The following CCDC6 variants were observed in gnomAD, a reference collection of about 807,000 sequenced individuals.
CCDC6 encodes coiled-coil domain-containing protein 6.
Under a neutral mutation model 56.6 loss-of-function variants are expected in CCDC6, and 20 were observed. That is an observed-to-expected ratio of 0.35 (90% CI 0.25 to 0.51). CCDC6 has a LOEUF of 0.51. CCDC6 is among the 20% of genes least tolerant of loss of function. CCDC6 has a pLI of 0.95. For synonymous variants in CCDC6, 241 were observed against 234.4 expected (o/e 1.03, Z -0.26); for missense variants, 367 against 601.1 (o/e 0.61, Z 4.07).
At chr10:59,851,986 T>G (rs1485738534) in intron 2 of CCDC6, among the ~76,000 whole-genome samples, 1 of 152,132 alleles carries the variant, frequency 6.6e-6, no homozygotes, top group Non-Finnish European at 1.5e-5. Context: ...CCTTCCTATA[T>G]GTTTTGTGTG....
At chr10:59,816,219 G>A (rs935819212) in intron 3 of CCDC6, among the ~76,000 whole-genome samples, 2 of 152,126 alleles carry the variant, frequency 1.3e-5, no homozygotes, top group Admixed American at 6.5e-5. Flanking sequence ...ATCAAGACCT[G>A]AGAGGAAATG....
intron 2 of CCDC6, among the ~76,000 whole-genome samples, chr10:59,847,424 C>T (rs2071002523): frequency 6.6e-6 from 1 of 152,054 alleles, no homozygotes; most frequent in Non-Finnish European, 1.5e-5. Context: ...CAAAGACTGA[C>T]AAGACAGTTA....
At chr10:59,902,450 G>A (rs554645380) in intron 1 of CCDC6, among the ~76,000 whole-genome samples, 13 of 144,128 alleles carry the variant, frequency 9.0e-5, no homozygotes, top group African/African-American at 3.5e-4. Context: ...CTGGAGTGCA[G>A]TGGTGCGACA....
At chr10:59,890,906 G>A (rs571945110) in intron 1 of CCDC6, among the ~76,000 whole-genome samples, 3 of 151,420 alleles carry the variant, frequency 2.0e-5, no homozygotes, top group Non-Finnish European at 2.9e-5. Context: ...GACAGGCCCC[G>A]GTGTGTGGTG....
At chr10:59,800,833 T>C (rs10994022) in intron 7 of CCDC6, among the ~76,000 whole-genome samples, 21,787 of 152,116 alleles carry the variant, frequency 0.14, 1,859 homozygotes, top group East Asian at 0.24. Flanking sequence ...TATAATACTA[T>C]GGTTTTACAT....
chr10:59,820,167 G>T (rs1478448127), intron 3 of CCDC6, among the ~76,000 whole-genome samples: 1 of 152,208 alleles, frequency 6.6e-6, no homozygotes, highest in Non-Finnish European at 1.5e-5. Context: ...CCAGCCCAGA[G>T]GTGGCTCCCA....
At chr10:59,881,071 C>T (rs917498110) in intron 1 of CCDC6, among the ~76,000 whole-genome samples, 1 of 152,190 alleles carries the variant, frequency 6.6e-6, no homozygotes, top group African/African-American at 2.4e-5. Flanking sequence ...TTCAGCCCCG[C>T]CCAGCAGGTC....
chr10:59,861,303 G>T (rs1051424712), intron 1 of CCDC6, among the ~76,000 whole-genome samples: 4 of 152,250 alleles, frequency 2.6e-5, no homozygotes, highest in Admixed American at 6.5e-5. Flanking sequence ...AGGCTGCAGA[G>T]AGCCTTGATC....
chr10:59,814,044 C>T (rs1450693600), intron 4 of CCDC6, among the ~76,000 whole-genome samples: 1 of 152,132 alleles, frequency 6.6e-6, no homozygotes, highest in African/African-American at 2.4e-5. Context: ...CAAGCCCTGC[C>T]TCACACACTC....
intron 2 of CCDC6, among the ~76,000 whole-genome samples, chr10:59,852,039 A>G (rs1255374225): frequency 6.6e-6 from 1 of 152,224 alleles, no homozygotes; most frequent in Non-Finnish European, 1.5e-5. Context: ...GAGTTTTAAT[A>G]GCAGTCTGAT....
At chr10:59,832,886 C>T (rs143285269) in intron 2 of CCDC6, among the ~76,000 whole-genome samples, 276 of 152,286 alleles carry the variant, frequency 1.8e-3, no homozygotes, top group African/African-American at 6.4e-3. Context: ...ATACTTTTTG[C>T]TACCTTTCAG....
Position 59,792,497 on chromosome 10 carries a change from A to G in CCDC6, c.*420T>C. 1 of 465,350 alleles carries G rather than the reference A, an allele frequency of 2.1e-6. No homozygotes were observed. The highest frequency in any genetic ancestry group is 4.0e-6 in the Non-Finnish European group (1 of 248,030). 28.8% of individuals were successfully genotyped at this position (465,350 alleles called of 1,614,324 possible). A position where few individuals can be genotyped will look rare whatever the true frequency, so the allele number is the denominator to read the frequency against. ...GGTATGTTTGGTAAACACTATTATAATGAGAGGAGGGTAACAACAGCTCAG... is the reference window on the plus strand; with the variant it reads ...GGTATGTTTGGTAAACACTATTATAGTGAGAGGAGGGTAACAACAGCTCAG... On this transcript the variant is annotated 3_prime_UTR_variant, in exon 9 of 9. Coordinates refer to ENST00000263102, the MANE Select transcript of CCDC6 (RefSeq NM_005436.5).
At chr10:59,871,292 C>T (rs1267223256) in intron 1 of CCDC6, among the ~76,000 whole-genome samples, 3 of 152,006 alleles carry the variant, frequency 2.0e-5, no homozygotes, top group East Asian at 1.9e-4. Flanking sequence ...ACACCACATT[C>T]GCAGAGCTAA....
At chr10:59,798,309 A>G (rs1190665294) in intron 7 of CCDC6, among the ~76,000 whole-genome samples, 2 of 152,250 alleles carry the variant, frequency 1.3e-5, no homozygotes, top group East Asian at 3.8e-4. Context: ...GCTGTTAAGT[A>G]TGCTCTTCCA....
chr10:59,812,888 A>C, intron 4 of CCDC6, 93 bp from the exon 5 acceptor site: 2 of 806,252 alleles, frequency 2.5e-6, no homozygotes, highest in Non-Finnish European at 2.0e-6. Context: ...TTAAAAGCAA[A>C]CTCCTGTTTA....
chr10:59,846,184 C>A (rs1490711574), intron 2 of CCDC6, among the ~76,000 whole-genome samples: 1 of 152,030 alleles, frequency 6.6e-6, no homozygotes, highest in Non-Finnish European at 1.5e-5. Flanking sequence ...AAAAAAGAAT[C>A]CAGTAAAATG....
At chr10:59,875,716 A>G (rs2071273534) in intron 1 of CCDC6, among the ~76,000 whole-genome samples, 1 of 152,194 alleles carries the variant, frequency 6.6e-6, no homozygotes, top group Non-Finnish European at 1.5e-5. Context: ...TAATATTTTT[A>G]GTGTGTGATT....
chr10:59,900,323 G>A (rs1309378604), intron 1 of CCDC6, among the ~76,000 whole-genome samples: 1 of 152,146 alleles, frequency 6.6e-6, no homozygotes, highest in South Asian at 2.1e-4. Flanking sequence ...GGGTTCAGGT[G>A]GAGAAGGCAG....
chr10:59,889,669 T>C (rs2071407526), intron 1 of CCDC6, among the ~76,000 whole-genome samples: 1 of 152,076 alleles, frequency 6.6e-6, no homozygotes, highest in Non-Finnish European at 1.5e-5. Flanking sequence ...AGTACGCCAA[T>C]GAGATTCAGC....
Sources: gnomAD v4.1 joint callset for allele counts (sites outside exome capture counted in the v4.1 genomes callset) on GRCh38, gnomAD v4.1.1 for gene constraint, MANE v1.5 for transcripts, NCBI Gene and HGNC (gene_info 2026-07-23, HGNC 2026-07-21) for gene names.